ZNF804A: variants seen among roughly 807,000 people sequenced by gnomAD.
The protein encoded by ZNF804A is zinc finger protein 804A.
In ZNF804A, 2 loss-of-function variants were observed where a neutral mutation model predicts 16.5. That is an observed-to-expected ratio of 0.12 (90% confidence interval 0.05 to 0.38). The LOEUF is 0.38. Among genes scored for constraint, ZNF804A ranks in the 10% least tolerant of loss-of-function variants. ZNF804A has a pLI of 0.99. For synonymous variants in ZNF804A, 534 were observed against 489.6 expected, an observed-to-expected ratio of 1.09 and a Z score of -1.20; for missense variants, 1,473 against 1,390.7, an observed-to-expected ratio of 1.06 and a Z score of -0.94.
intron 1 of ZNF804A, among the ~76,000 whole-genome samples, chr2:184,626,355 T>TA (rs1272502139): frequency 6.6e-6 from 1 of 152,152 alleles, no homozygotes; most frequent in East Asian, 1.9e-4. Context: ...GAAGATCTGT[T>TA]AAAGACTGCA....
At chr2:184,865,779 G>T (rs370823209) in intron 1 of ZNF804A, among the ~76,000 whole-genome samples, 233 of 152,068 alleles carry the variant, frequency 1.5e-3, no homozygotes, top group African/African-American at 3.6e-3. Context: ...TGAAATAACC[G>T]CAGAAAAGGG....
At position 184,767,204 on chromosome 2, in the gene ZNF804A, C is replaced by G. The variant is rs1343974180; in HGVS notation, c.112-99165C>G. Among the ~76,000 whole-genome samples the G allele has an allele frequency of 3.3e-5, 5 of 152,054 alleles. 1 individual carries two copies. The highest frequency in any genetic ancestry group is 7.4e-5 in the Non-Finnish European group (5 of 68,008). On this transcript the variant is annotated intron_variant, in intron 1 of 3. Coordinates refer to ENST00000302277, the MANE Select transcript of ZNF804A (RefSeq NM_194250.2). ...TCTGACTAACACACAACCCAAATGTCCACTGGTGGATGAGCAGATAGACAT... is the reference window on the plus strand; with the variant it reads ...TCTGACTAACACACAACCCAAATGTGCACTGGTGGATGAGCAGATAGACAT...
chr2:184,881,415 G>A (rs1284487522), intron 2 of ZNF804A, among the ~76,000 whole-genome samples: 1 of 151,848 alleles, frequency 6.6e-6, no homozygotes, highest in Non-Finnish European at 1.5e-5. Context: ...TTATGGAAAT[G>A]CAGAGAACAA....
At chr2:184,698,446 A>G (rs920178787) in intron 1 of ZNF804A, among the ~76,000 whole-genome samples, 1 of 152,134 alleles carries the variant, frequency 6.6e-6, no homozygotes, top group Non-Finnish European at 1.5e-5. Flanking sequence ...CAGCTGGAAC[A>G]TAAAGGCTCT....
chr2:184,798,917 C>G (rs1290618652), intron 1 of ZNF804A, among the ~76,000 whole-genome samples: 1 of 152,064 alleles, frequency 6.6e-6, no homozygotes, highest in Non-Finnish European at 1.5e-5. Flanking sequence ...TTTTGTCCCA[C>G]AGGGTGTTCC....
intron 2 of ZNF804A, among the ~76,000 whole-genome samples, chr2:184,872,473 C>T (rs1306969134): frequency 6.6e-6 from 1 of 151,890 alleles, no homozygotes; most frequent in Non-Finnish European, 1.5e-5. Context: ...TGGACTTGCA[C>T]CAATTTTGAG....
intron 1 of ZNF804A, among the ~76,000 whole-genome samples, chr2:184,603,633 T>C (rs1691084367): frequency 6.6e-6 from 1 of 152,206 alleles, no homozygotes; most frequent in African/African-American, 2.4e-5. Flanking sequence ...ATTGGTGAAT[T>C]GGTGCTGCTG....
At chr2:184,661,004 A>T (rs1035280695) in intron 1 of ZNF804A, among the ~76,000 whole-genome samples, 1 of 152,240 alleles carries the variant, frequency 6.6e-6, no homozygotes, top group Non-Finnish European at 1.5e-5. Flanking sequence ...TTTTCTAAAA[A>T]ACAAAGTTTT....
intron 1 of ZNF804A, among the ~76,000 whole-genome samples, chr2:184,827,514 C>T (rs994843310): frequency 2.7e-4 from 39 of 145,374 alleles, no homozygotes; most frequent in Non-Finnish European, 5.0e-4. Context: ...ATATATAAAA[C>T]TTTCACCCCA....
intron 1 of ZNF804A, among the ~76,000 whole-genome samples, chr2:184,846,617 G>A (rs959171924): frequency 9.2e-5 from 14 of 151,990 alleles, no homozygotes; most frequent in African/African-American, 3.4e-4. Flanking sequence ...TCCCCCGACA[G>A]CCCTGATTAT....
chr2:184,869,220 G>T (rs573815081), intron 2 of ZNF804A, among the ~76,000 whole-genome samples: 7 of 151,958 alleles, frequency 4.6e-5, no homozygotes, highest in Admixed American at 1.3e-4. Flanking sequence ...AATCCATTTG[G>T]CCTTCAAATT....
chr2:184,897,280 A>C (rs1685083774), intron 2 of ZNF804A, among the ~76,000 whole-genome samples: 1 of 152,094 alleles, frequency 6.6e-6, no homozygotes, highest in African/African-American at 2.4e-5. Flanking sequence ...TTTTGACTTG[A>C]TTGCCTGGAC....
intron 1 of ZNF804A, among the ~76,000 whole-genome samples, chr2:184,604,244 C>T (rs1691101062): frequency 7.1e-6 from 1 of 140,398 alleles, no homozygotes; most frequent in South Asian, 2.4e-4. Flanking sequence ...CATCTCGGCT[C>T]ACTGCAAGCT....
chr2:184,657,490 C>T lies in ZNF804A; in HGVS notation c.111+58420C>T, dbSNP rs117357185. Among the ~76,000 whole-genome samples the T allele has an allele frequency of 3.2e-4, 48 of 152,214 alleles. 1 individual carries two copies. In the East Asian group the frequency reaches 8.5e-3, roughly 27 times the overall value. ...ACTTTTGGGGCTTTTTGTTTTTTGA[C>T]GCTCAGGCTTATTAAAAGGGATTCT... On this transcript the variant is annotated intron_variant, in intron 1 of 3. Coordinates refer to ENST00000302277, the MANE Select transcript of ZNF804A (RefSeq NM_194250.2).
intron 2 of ZNF804A, among the ~76,000 whole-genome samples, chr2:184,884,638 G>T (rs1684858344): frequency 1.3e-5 from 2 of 151,950 alleles, no homozygotes; most frequent in South Asian, 4.1e-4. Flanking sequence ...AGAGAACCCA[G>T]AAATAATGCT....
intron 1 of ZNF804A, among the ~76,000 whole-genome samples, chr2:184,617,040 T>A (rs1204477980): frequency 6.6e-6 from 1 of 152,076 alleles, no homozygotes; most frequent in Non-Finnish European, 1.5e-5. Flanking sequence ...CTCCCATCAC[T>A]TACAATAAAT....
Position 184,609,407 on chromosome 2 carries a change from C to T in ZNF804A, c.111+10337C>T, listed in dbSNP as rs146791327. On this transcript the variant is annotated intron_variant, in intron 1 of 3. Coordinates refer to ENST00000302277, the MANE Select transcript of ZNF804A (RefSeq NM_194250.2). ...TTTTGACAGAGAGGCGTGATTACTGCTAGTGCACAGACTTTCTCCCAGATT... is the reference window on the plus strand; with the variant it reads ...TTTTGACAGAGAGGCGTGATTACTGTTAGTGCACAGACTTTCTCCCAGATT... Among the ~76,000 whole-genome samples the T allele has an allele frequency of 1.2e-3, 187 of 152,312 alleles. 3 individuals carry two copies. In the East Asian group the frequency reaches 0.02, roughly 16 times the overall value.
intron 1 of ZNF804A, among the ~76,000 whole-genome samples, chr2:184,804,542 A>G (rs1431934773): frequency 6.6e-6 from 1 of 152,214 alleles, no homozygotes; most frequent in East Asian, 1.9e-4. Flanking sequence ...CAAGATCTTA[A>G]GTTGTTTCAT....
At position 184,935,771 on chromosome 2, in the gene ZNF804A, TTCTC is replaced by T. The variant is rs1018555225; in HGVS notation, c.387-6_387-3del. 4 of 1,566,064 alleles carry T rather than the reference TTCTC, an allele frequency of 2.6e-6. No homozygotes were observed. Among genetic ancestry groups the T allele is most frequent in the Admixed American group, 2.0e-5 (1 of 50,602 alleles). On this transcript the variant is annotated splice_region_variant and splice_polypyrimidine_tract_variant and intron_variant, in intron 3 of 3. Transcript: ENST00000302277. ...TGTGCTATTTAACACATGCTTCTGTTTCTCTCTCTAGTGCTCCTGGAAGTGGCCC... is the reference window on the plus strand; with the variant it reads ...TGTGCTATTTAACACATGCTTCTGTTTCTCTAGTGCTCCTGGAAGTGGCCC...
Sources: allele counts gnomAD v4.1 joint callset (sites outside exome capture counted in the v4.1 genomes callset), GRCh38; gene constraint gnomAD v4.1.1; transcripts MANE v1.5; gene names NCBI Gene and HGNC (gene_info 2026-07-23, HGNC 2026-07-21).